RHOBTB3: variants seen among roughly 807,000 people sequenced by gnomAD.
The protein encoded by RHOBTB3 is Rho related BTB domain containing 3.
In RHOBTB3, 47 loss-of-function variants were observed where a neutral mutation model predicts 67.2. The observed-to-expected ratio is 0.70, with a 90% CI of 0.55 to 0.89. The LOEUF is 0.89. RHOBTB3 is among the 40% of genes least tolerant of loss of function. The pLI is 0.00. For synonymous variants in RHOBTB3, 273 were observed against 274.2 expected (o/e 1.00, Z 0.04); for missense variants, 631 against 750.0 (o/e 0.84, Z 1.85).
chr5:95,783,084 C>T (rs908605690), intron 9 of RHOBTB3, among the ~76,000 whole-genome samples: 2 of 142,210 alleles, frequency 1.4e-5, no homozygotes, highest in Non-Finnish European at 3.2e-5. Flanking sequence ...TTTATTTTTA[C>T]TTTTTTATTT....
intron 3 of RHOBTB3, among the ~76,000 whole-genome samples, chr5:95,738,858 A>T (rs1288323147): frequency 6.6e-6 from 1 of 152,144 alleles, no homozygotes; most frequent in Non-Finnish European, 1.5e-5. Context: ...AATAATACTT[A>T]TCTCTTGTTG....
At chr5:95,770,255 A>G (rs1034804675) in intron 8 of RHOBTB3, 32 of 299,020 alleles carry the variant, frequency 1.1e-4, no homozygotes, top group African/African-American at 6.9e-4. Flanking sequence ...ACTAATGAAA[A>G]GAAAGACAGA....
In RHOBTB3 at chr5:95,793,204, TTTA is replaced by T. The variant is rs1561459977; in HGVS notation, c.*38_*40del. On this transcript the variant is annotated 3_prime_UTR_variant, in exon 12 of 12. Transcript: ENST00000379982. ...GAGCTTTTATACACTACATTTCTTT[TTTA>T]TTATTATGAAGAATGGGATACCTCC... 7.1e-7 allele frequency: 1 copy of T among 1,403,878 alleles called. No individual in the cohort carries two copies. The highest frequency in any genetic ancestry group is 9.9e-7 in the Non-Finnish European group (1 of 1,008,778). 87.0% of individuals were successfully genotyped at this position (1,403,878 alleles called of 1,614,324 possible). A position where few individuals can be genotyped will look rare whatever the true frequency, so the allele number is the denominator to read the frequency against.
chr5:95,743,780 A>T (rs1211115550), intron 3 of RHOBTB3, among the ~76,000 whole-genome samples: 1 of 135,944 alleles, frequency 7.4e-6, no homozygotes, highest in Non-Finnish European at 1.5e-5. Context: ...GCACAGTCTC[A>T]GCTCATGGCA....
Position 95,752,268 on chromosome 5 carries a change from T to C in RHOBTB3, c.600T>C (p.Asn200=), listed in dbSNP as rs781726162. The C allele has an allele frequency of 6.2e-7, 1 of 1,601,994 alleles. No homozygotes were observed. Among genetic ancestry groups the C allele is most frequent in the South Asian group, 1.1e-5 (1 of 88,526 alleles). ...VLEYFMIQAL[N]QKTSEKMKKR... The stretch of plus-strand genomic sequence containing the variant: ...AGTATTTTATGATTCAAGCCTTAAA[T>C]CAGAAGACAAGTGAAAAAATGAAGA... Residue 200 remains asparagine (N), a synonymous_variant, in exon 5 of 12, where the codon AAT becomes AAC. Coordinates refer to ENST00000379982, the MANE Select transcript of RHOBTB3 (RefSeq NM_014899.4).
intron 6 of RHOBTB3, among the ~76,000 whole-genome samples, chr5:95,757,248 T>C (rs1745273548): frequency 6.6e-6 from 1 of 152,216 alleles, no homozygotes; most frequent in Admixed American, 6.5e-5. Context: ...GAATTGAAGG[T>C]CTTACATCTA....
rs891852549 is a variant in RHOBTB3, at chr5:95,795,966, CT to C, written c.*2795del. On this transcript the variant is annotated 3_prime_UTR_variant, in exon 12 of 12. Coordinates refer to ENST00000379982, the MANE Select transcript of RHOBTB3 (RefSeq NM_014899.4). ...GCCAAAGTCTTTACCCTATTTAACC[CT>C]TTGTATATTTCTGACTGCTCACTGT... 1 of 152,092 alleles carries C rather than the reference CT, an allele frequency of 6.6e-6. No individual in the cohort carries two copies. The highest frequency in any genetic ancestry group is 2.4e-5 in the African/African-American group (1 of 41,412). 9.4% of individuals were successfully genotyped at this position (152,092 alleles called of 1,614,324 possible). A position where few individuals can be genotyped will look rare whatever the true frequency, so the allele number is the denominator to read the frequency against.
intron 10 of RHOBTB3, among the ~76,000 whole-genome samples, chr5:95,788,534 G>A (rs1746285794): frequency 1.3e-5 from 2 of 152,216 alleles, no homozygotes; most frequent in East Asian, 1.9e-4. Flanking sequence ...GCCGTAGATT[G>A]TTATTCGCTG....
chr5:95,721,898 T>A (rs1754895914), intron 1 of RHOBTB3, among the ~76,000 whole-genome samples: 1 of 152,200 alleles, frequency 6.6e-6, no homozygotes, highest in African/African-American at 2.4e-5. Flanking sequence ...ACCTAATATA[T>A]AATGGCATTA....
At chr5:95,746,683 G>A (rs1178113655) in intron 3 of RHOBTB3, among the ~76,000 whole-genome samples, 1 of 152,012 alleles carries the variant, frequency 6.6e-6, no homozygotes, top group Non-Finnish European at 1.5e-5. Context: ...TTATTATCAG[G>A]TGGAGCAAGT....
At chr5:95,718,660 C>T (rs1754761331) in intron 1 of RHOBTB3, among the ~76,000 whole-genome samples, 1 of 152,178 alleles carries the variant, frequency 6.6e-6, no homozygotes, top group Non-Finnish European at 1.5e-5. Context: ...AGATTTTCTA[C>T]AGCAATATTT....
chr5:95,770,698 A>G, intron 8 of RHOBTB3: 1 of 476,106 alleles, frequency 2.1e-6, no homozygotes, highest in South Asian at 1.6e-5. Context: ...GGGAGGTGGC[A>G]TTTCTGATTC....
intron 7 of RHOBTB3, among the ~76,000 whole-genome samples, chr5:95,767,369 A>C (rs550408967): frequency 1.3e-5 from 2 of 150,834 alleles, no homozygotes; most frequent in South Asian, 4.2e-4. Flanking sequence ...ACAGGGTTTC[A>C]CTCTGTTGCC....
Position 95,763,802 on chromosome 5 carries a change from T to TTGTGTGTGTGTG in RHOBTB3, c.1161+199_1161+210dup, listed in dbSNP as rs60736311. Among the ~76,000 whole-genome samples, 186 of 148,964 alleles carry TTGTGTGTGTGTG rather than the reference T, an allele frequency of 1.2e-3. 1 individual carries two copies. The highest frequency in any genetic ancestry group is 6.8e-3 in the Middle Eastern group (2 of 292). ...AAACATGGGTTATTTGTATCTTAGA[T>TTGTGTGTGTGTG]TGTGTGTGTGTGTGTGTGTGTGTGT... On this transcript the variant is annotated intron_variant, in intron 7 of 11. Transcript: ENST00000379982.
rs1561460292 is a variant in RHOBTB3 at position 95,793,849 on chromosome 5, T to G, written c.*675T>G. ...TGTGTAGCAGCACAGGGCCCACACTTAGAAGGACCCCACACTTGGTTCAAG... is the reference window on the plus strand; with the variant it reads ...TGTGTAGCAGCACAGGGCCCACACTGAGAAGGACCCCACACTTGGTTCAAG... On this transcript the variant is annotated 3_prime_UTR_variant, in exon 12 of 12. Transcript: ENST00000379982. 2.7e-6 allele frequency: 1 copy of G among 376,560 alleles called. No individual in the cohort carries two copies. The highest frequency in any genetic ancestry group is 5.2e-6 in the Non-Finnish European group (1 of 191,874). The allele number at this position is 376,560 out of a possible 1,614,324, so 23.3% of individuals were successfully genotyped here.
chr5:95,788,083 C>G (rs1746274545), intron 10 of RHOBTB3, among the ~76,000 whole-genome samples: 1 of 152,230 alleles, frequency 6.6e-6, no homozygotes, highest in Non-Finnish European at 1.5e-5. Context: ...TGCCTGCCAG[C>G]AAGTTACTGT....
upstream of RHOBTB3, chr5:95,731,139 G>A (rs550000580): frequency 6.7e-5 from 68 of 1,017,290 alleles, no homozygotes; most frequent in African/African-American, 1.0e-3. Flanking sequence ...TATATTCCGC[G>A]GCGCCCCGCG....
At chr5:95,769,890 T>G (rs1349268116) in intron 8 of RHOBTB3, 3 of 335,288 alleles carry the variant, frequency 8.9e-6, no homozygotes, top group African/African-American at 2.2e-5. Context: ...TCTATGAACC[T>G]TCCTTTTGAA....
At chr5:95,788,282 G>A (rs1746278906) in intron 10 of RHOBTB3, among the ~76,000 whole-genome samples, 1 of 152,214 alleles carries the variant, frequency 6.6e-6, no homozygotes, top group Admixed American at 6.5e-5. Context: ...TTTAGCCACA[G>A]CTTTCTCTTA....
Sources: gnomAD v4.1 joint callset for allele counts (sites outside exome capture counted in the v4.1 genomes callset) on GRCh38, gnomAD v4.1.1 for gene constraint, MANE v1.5 for transcripts, NCBI Gene and HGNC (gene_info 2026-07-23, HGNC 2026-07-21) for gene names.